Variants in WDFY3 observed in about 807,000 individuals in gnomAD.
WDFY3 encodes WD repeat and FYVE domain-containing protein 3.
A neutral mutation model predicts 409.6 loss-of-function variants in WDFY3; 66 were observed. The observed-to-expected ratio is 0.16, with a 90% CI of 0.13 to 0.20. The LOEUF is 0.20. WDFY3 is among the 10% of genes least tolerant of loss of function. The pLI is 1.00. For synonymous variants in WDFY3, 1,521 were observed against 1,537.1 expected, an observed-to-expected ratio of 0.99 and a Z score of 0.25; for missense variants, 3,031 against 4,298.1, an observed-to-expected ratio of 0.71 and a Z score of 8.24.
chr4:84,866,646 T>C (rs1761439339), intron 3 of WDFY3, among the ~76,000 whole-genome samples: 1 of 152,234 alleles, frequency 6.6e-6, no homozygotes, highest in Admixed American at 6.5e-5. Flanking sequence ...GATAGGGACC[T>C]CAAAAGGAAC....
At chr4:84,764,058 T>C (rs954478707) in intron 32 of WDFY3, among the ~76,000 whole-genome samples, 1 of 152,208 alleles carries the variant, frequency 6.6e-6, no homozygotes, top group African/African-American at 2.4e-5. Flanking sequence ...AAAACTTATA[T>C]GCTATAAAAT....
intron 47 of WDFY3, 81 bp from the exon 48 acceptor site, chr4:84,718,651 G>T: frequency 6.8e-7 from 1 of 1,473,800 alleles, no homozygotes; most frequent in South Asian, 1.4e-5. Flanking sequence ...GGCATCCCTA[G>T]AGCTAAGCAT....
intron 43 of WDFY3, 34 bp downstream of exon 43, chr4:84,735,009 A>G (rs759490754): frequency 1.3e-6 from 2 of 1,578,204 alleles, no homozygotes; most frequent in South Asian, 2.2e-5. Flanking sequence ...CAAAAAATGT[A>G]AAACAAACCA....
intron 41 of WDFY3, 22 bp downstream of exon 41, chr4:84,737,162 G>GT (rs1560628269): frequency 6.2e-7 from 1 of 1,613,516 alleles, no homozygotes; most frequent in East Asian, 2.2e-5. Context: ...TCTCCTGGTG[G>GT]TATGATCTCT....
At chr4:84,786,371 T>C (rs553742270) in intron 23 of WDFY3, among the ~76,000 whole-genome samples, 7 of 152,304 alleles carry the variant, frequency 4.6e-5, no homozygotes, top group African/African-American at 1.7e-4. Context: ...TTAAAACATG[T>C]TTAACATATA....
intron 53 of WDFY3, 117 bp from the exon 54 acceptor site, chr4:84,705,628 G>A: frequency 1.2e-6 from 1 of 802,324 alleles, no homozygotes; most frequent in Non-Finnish European, 2.1e-6. Context: ...TATCTGTGGG[G>A]TCAAACTGGT....
At chr4:84,745,719 C>T (rs986841285) in intron 36 of WDFY3, among the ~76,000 whole-genome samples, 4 of 152,110 alleles carry the variant, frequency 2.6e-5, no homozygotes, top group Non-Finnish European at 5.9e-5. Flanking sequence ...AAGTGAAGAA[C>T]ATCTCATGTT....
intron 36 of WDFY3, among the ~76,000 whole-genome samples, chr4:84,749,787 C>T (rs916887011): frequency 1.3e-5 from 2 of 152,258 alleles, no homozygotes; most frequent in South Asian, 4.1e-4. Context: ...TCCTGACACC[C>T]CCTGCTTTTC....
At chr4:84,713,539 TC>T (rs1436636760) in intron 50 of WDFY3, among the ~76,000 whole-genome samples, 1 of 152,188 alleles carries the variant, frequency 6.6e-6, no homozygotes, top group Non-Finnish European at 1.5e-5. Flanking sequence ...CCAATCAACA[TC>T]CACAGGCCCT....
At chr4:84,853,897 A>G (rs989414954) in intron 4 of WDFY3, among the ~76,000 whole-genome samples, 2 of 152,218 alleles carry the variant, frequency 1.3e-5, no homozygotes, top group Non-Finnish European at 2.9e-5. Context: ...ACTTCCTAGT[A>G]TATGTGCCAG....
At chr4:84,705,919 G>GTCCT (rs981875892) in intron 53 of WDFY3, among the ~76,000 whole-genome samples, 1 of 152,036 alleles carries the variant, frequency 6.6e-6, no homozygotes, top group African/African-American at 2.4e-5. Flanking sequence ...TCTCCCTTGT[G>GTCCT]TCCTCCCTCC....
chr4:84,725,438 A>C (rs2149109950), intron 45 of WDFY3, among the ~76,000 whole-genome samples: 1 of 152,306 alleles, frequency 6.6e-6, no homozygotes, highest in East Asian at 1.9e-4. Context: ...TATTCTCAAA[A>C]CAGGTTCTCC....
chr4:84,797,861 G>A (rs1033238059), intron 18 of WDFY3, 135 bp downstream of exon 18: 60 of 758,930 alleles, frequency 7.9e-5, no homozygotes, highest in Middle Eastern at 8.1e-4. Flanking sequence ...GTGAGCCACC[G>A]CGCCGGGCCT....
At chr4:84,751,206 A>G in intron 36 of WDFY3, 1 of 466,816 alleles carries the variant, frequency 2.1e-6, no homozygotes, top group Non-Finnish European at 3.9e-6. Context: ...CAAGCTTAAA[A>G]TATTTACTAT....
chr4:84,842,333 C>G (rs1213016330), intron 5 of WDFY3, among the ~76,000 whole-genome samples: 3 of 151,892 alleles, frequency 2.0e-5, no homozygotes, highest in Non-Finnish European at 4.4e-5. Context: ...AAAAATCAGG[C>G]AGGTGTGGTG....
chr4:84,750,605 T>G (rs568469162), intron 36 of WDFY3, among the ~76,000 whole-genome samples: 21 of 152,380 alleles, frequency 1.4e-4, no homozygotes, highest in Middle Eastern at 3.4e-3. Flanking sequence ...ATGGACTGTT[T>G]GACCTTATTT....
chr4:84,805,713 GCTTAA>G (rs1261362992), intron 15 of WDFY3, among the ~76,000 whole-genome samples: 3 of 152,076 alleles, frequency 2.0e-5, no homozygotes, highest in African/African-American at 4.8e-5. Context: ...AATCTGCTTT[GCTTAA>G]CTTATCATCA....
In WDFY3 at chr4:84,761,066, C is replaced by G. The variant is rs1332498804; in HGVS notation, c.5189-3905G>C. Among the ~76,000 whole-genome samples the G allele has an allele frequency of 7.2e-5, 11 of 152,106 alleles. No homozygotes were observed. The East Asian group carries it at 1.9e-3, about 27-fold the overall frequency. ...TTCTGCCTTCATTTCGTTATGTACA[C>G]AGTAGTCATTCAGGAGCAGGTTGTT... On this transcript the variant is annotated intron_variant, in intron 32 of 67. Coordinates refer to ENST00000295888, the MANE Select transcript of WDFY3 (RefSeq NM_014991.6).
At chr4:84,929,268 G>T (rs1272892246) in intron 2 of WDFY3, among the ~76,000 whole-genome samples, 1 of 152,088 alleles carries the variant, frequency 6.6e-6, no homozygotes, top group Non-Finnish European at 1.5e-5. Flanking sequence ...CATTGAATTG[G>T]AAGCAGATCC....
Sources: allele counts gnomAD v4.1 joint callset (sites outside exome capture counted in the v4.1 genomes callset), GRCh38; gene constraint gnomAD v4.1.1; transcripts MANE v1.5; gene names NCBI Gene and HGNC (gene_info 2026-07-23, HGNC 2026-07-21).